The following ATP10B variants were observed in gnomAD, a reference collection of about 807,000 sequenced individuals.
ATP10B encodes the protein phospholipid-transporting ATPase VB.
A neutral mutation model predicts 141.2 loss-of-function variants in ATP10B; 122 were observed. The ratio of observed to expected loss-of-function variants is 0.86; its 90% CI spans 0.75 to 1.00. The LOEUF (loss-of-function observed/expected upper bound fraction) is 1.00, where lower values mean the gene tolerates loss of function less well. ATP10B is among the 50% of genes least tolerant of loss of function. ATP10B has a pLI of 0.00. For missense variants in ATP10B, 1,876 were observed against 1,825.3 expected, an observed-to-expected ratio of 1.03 and a Z score of -0.51; for synonymous variants, 685 against 692.0, an observed-to-expected ratio of 0.99 and a Z score of 0.16.
At chr5:160,773,225 T>C (rs1770036126) in intron 2 of ATP10B, among the ~76,000 whole-genome samples, 5 of 152,200 alleles carry the variant, frequency 3.3e-5, no homozygotes, top group Admixed American at 3.3e-4. Context: ...CCTGGTCTCG[T>C]TCCTCAGACA....
chr5:160,648,314 A>G (rs774464565), intron 8 of ATP10B, among the ~76,000 whole-genome samples: 1 of 152,176 alleles, frequency 6.6e-6, no homozygotes, highest in Non-Finnish European at 1.5e-5. Flanking sequence ...TTAAAACATT[A>G]TGAGATTATT....
intron 2 of ATP10B, among the ~76,000 whole-genome samples, chr5:160,779,766 T>C (rs904794929): frequency 6.6e-6 from 1 of 152,224 alleles, no homozygotes; most frequent in African/African-American, 2.4e-5. Context: ...TTGGGGGAGA[T>C]AATTTGATAT....
chr5:160,704,114 G>A (rs778073856), intron 3 of ATP10B, among the ~76,000 whole-genome samples: 1 of 152,064 alleles, frequency 6.6e-6, no homozygotes, highest in Non-Finnish European at 1.5e-5. Flanking sequence ...GTAACTGGGA[G>A]TGCCATGATC....
At chr5:160,641,467 C>G (rs1438931313) in intron 9 of ATP10B, among the ~76,000 whole-genome samples, 1 of 152,188 alleles carries the variant, frequency 6.6e-6, no homozygotes, top group Non-Finnish European at 1.5e-5. Context: ...TGAAAACTAC[C>G]AATCTCACCC....
At position 160,601,823 on chromosome 5, in the gene ATP10B, C is replaced by T. The variant is rs182124222; in HGVS notation, c.3363+754G>A. ...AACTCTGCACCTCAAACATCTTTGC[C>T]AAGTAGATATTTTATTTAGTATCCT... On this transcript the variant is annotated intron_variant, in intron 21 of 25. Coordinates refer to ENST00000327245, the MANE Select transcript of ATP10B (RefSeq NM_025153.3). Among the ~76,000 whole-genome samples the T allele has an allele frequency of 3.7e-4, 57 of 152,286 alleles. 1 individual carries two copies. The East Asian group carries it at 0.011, about 29-fold the overall frequency.
At chr5:160,902,161 C>A in the ATP10B span, among the ~76,000 whole-genome samples, 1 of 151,998 alleles carries the variant, frequency 6.6e-6, no homozygotes, top group African/African-American at 2.4e-5. Flanking sequence ...AATTCAAAAC[C>A]AAATGGTAGT....
In ATP10B at chr5:160,649,265, G is replaced by C. The variant is rs1304410988; in HGVS notation, c.676-9C>G. On this transcript the variant is annotated splice_polypyrimidine_tract_variant and intron_variant, in intron 7 of 25. Coordinates refer to ENST00000327245, the MANE Select transcript of ATP10B (RefSeq NM_025153.3). Reference sequence around the variant, plus strand: ...GGTTCGAACTGTACCTCCTGTGAGAGAGAGGACTCTGTGAGTTTATTAATT... The same window carrying C: ...GGTTCGAACTGTACCTCCTGTGAGACAGAGGACTCTGTGAGTTTATTAATT... 3.1e-6 allele frequency: 5 copies of C among 1,606,352 alleles called. No homozygotes were observed. Among genetic ancestry groups the C allele is most frequent in the Non-Finnish European group, 4.3e-6 (5 of 1,173,194 alleles).
At chr5:160,905,456 G>C in the ATP10B span, among the ~76,000 whole-genome samples, 1 of 152,156 alleles carries the variant, frequency 6.6e-6, no homozygotes, top group Non-Finnish European at 1.5e-5. Context: ...TGTGTCCATA[G>C]AGCTGCTGAG....
chr5:160,681,470 C>T (rs1019028010), intron 6 of ATP10B, among the ~76,000 whole-genome samples: 2 of 152,178 alleles, frequency 1.3e-5, no homozygotes, highest in Non-Finnish European at 2.9e-5. Context: ...CTCTCTCTGT[C>T]CCTTGAGGAT....
At chr5:160,900,417 G>A in the ATP10B span, among the ~76,000 whole-genome samples, 1 of 152,310 alleles carries the variant, frequency 6.6e-6, no homozygotes, top group East Asian at 1.9e-4. Flanking sequence ...AAACGATGCA[G>A]TGACAAGTTC....
At chr5:160,723,204 T>C (rs1399776795) in intron 2 of ATP10B, among the ~76,000 whole-genome samples, 1 of 152,218 alleles carries the variant, frequency 6.6e-6, no homozygotes, top group Admixed American at 6.5e-5. Flanking sequence ...CTTCTATGCA[T>C]TAAATATTCA....
chr5:160,699,726 A>G (rs1581379117), intron 3 of ATP10B, among the ~76,000 whole-genome samples: 1 of 152,120 alleles, frequency 6.6e-6, no homozygotes, highest in East Asian at 1.9e-4. Flanking sequence ...TAAAAGGCAA[A>G]GGGACAAGAA....
intron 1 of ATP10B, among the ~76,000 whole-genome samples, chr5:160,794,655 G>A (rs1349934568): frequency 1.3e-5 from 2 of 152,126 alleles, no homozygotes; most frequent in African/African-American, 4.8e-5. Flanking sequence ...TTCTGGCTAC[G>A]TGGGTCTTCT....
chr5:160,915,035 C>A, the ATP10B span, among the ~76,000 whole-genome samples: 1 of 152,112 alleles, frequency 6.6e-6, no homozygotes, highest in African/African-American at 2.4e-5. Context: ...GACCATAGTG[C>A]CTGCAATAGT....
chr5:160,617,943 C>T lies in ATP10B; in HGVS notation c.2447G>A (p.Arg816Lys). 6.2e-7 allele frequency: 1 copy of T among 1,614,188 alleles called. No individual in the cohort carries two copies. The highest frequency in any genetic ancestry group is 8.5e-7 in the Non-Finnish European group (1 of 1,179,990). Reference sequence around the variant, plus strand: ...CTTTTGGGTCCGGGCTCGGATTTTTCTCAGCTTCTTTTCCATATTAATGTC... The same window carrying T: ...CTTTTGGGTCCGGGCTCGGATTTTTTTCAGCTTCTTTTCCATATTAATGTC... ...VPDINMEKKL[R>K]KIRARTQKHL... is the part of the protein sequence containing the mutation. Residue 816 changes from arginine (R) to lysine (K), a missense_variant, in exon 16 of 26, where the codon AGA (arginine) becomes AAA (lysine). Coordinates refer to ENST00000327245, the MANE Select transcript of ATP10B (RefSeq NM_025153.3).
rs530172953 is a variant in ATP10B at position 160,594,454 on chromosome 5, T to A, written c.3565-3315A>T. ...AAATCACGCCAAATTGTAAAGACCA[T>A]CGAGGCTAGGAAGAAACTGCATCAA... On this transcript the variant is annotated intron_variant, in intron 22 of 25. Coordinates refer to ENST00000327245, the MANE Select transcript of ATP10B (RefSeq NM_025153.3). 1.6e-3 allele frequency among the ~76,000 whole-genome samples: 249 copies of A among 152,166 alleles called. 2 individuals carry two copies. The highest frequency in any genetic ancestry group is 3.4e-3 in the Middle Eastern group (1 of 294).
intron 5 of ATP10B, 33 bp from the exon 6 acceptor site, chr5:160,686,306 A>G: frequency 6.9e-7 from 1 of 1,457,478 alleles, no homozygotes; most frequent in Non-Finnish European, 9.2e-7. Flanking sequence ...AATAAACACT[A>G]TGGAGAAGAA....
intron 2 of ATP10B, among the ~76,000 whole-genome samples, chr5:160,763,449 C>T (rs1471986784): frequency 3.3e-5 from 5 of 152,096 alleles, no homozygotes; most frequent in Non-Finnish European, 5.9e-5. Flanking sequence ...TAACAATCTG[C>T]TCCTGAATGA....
At chr5:160,856,048 A>T (rs1178667352), upstream of ATP10B, among the ~76,000 whole-genome samples, 1 of 151,776 alleles carries the variant, frequency 6.6e-6, no homozygotes, top group South Asian at 2.1e-4. Context: ...AATTGTTTTA[A>T]CTATTCTTGG....
Sources: allele counts gnomAD v4.1 joint callset (sites outside exome capture counted in the v4.1 genomes callset), GRCh38; gene constraint gnomAD v4.1.1; transcripts MANE v1.5; gene names NCBI Gene and HGNC (gene_info 2026-07-23, HGNC 2026-07-21).